The following MAP4 variants were observed in gnomAD, a reference collection of about 807,000 sequenced individuals.
MAP4 encodes microtubule associated protein 4, also known as microtubule-associated protein 4.
MAP4 carries 76 observed loss-of-function variants against 170.2 expected under a neutral mutation model. The observed-to-expected ratio is 0.45, with a 90% CI of 0.37 to 0.54. The LOEUF (loss-of-function observed/expected upper bound fraction) is 0.54, where lower values mean the gene tolerates loss of function less well. MAP4 is among the 20% of genes least tolerant of loss of function. The pLI, the probability that MAP4 is intolerant of heterozygous loss-of-function variation, is 0.00. For synonymous variants in MAP4, 909 were observed against 994.5 expected, an observed-to-expected ratio of 0.91 and a Z score of 1.62; for missense variants, 2,506 against 2,748.0, an observed-to-expected ratio of 0.91 and a Z score of 1.97.
chr3:47,894,610 G>A (rs1449766019), intron 10 of MAP4, among the ~76,000 whole-genome samples: 1 of 151,616 alleles, frequency 6.6e-6, no homozygotes, highest in Non-Finnish European at 1.5e-5. Context: ...GAAAAAATAT[G>A]AGGCGAGATT....
chr3:47,943,880 C>T (rs1323889741), intron 3 of MAP4, among the ~76,000 whole-genome samples: 1 of 152,004 alleles, frequency 6.6e-6, no homozygotes, highest in Non-Finnish European at 1.5e-5. Context: ...ACAATACAGG[C>T]TAAGTTGGCA....
chr3:47,990,816 G>C (rs959380768), intron 2 of MAP4, among the ~76,000 whole-genome samples: 1 of 142,680 alleles, frequency 7.0e-6, no homozygotes, highest in African/African-American at 2.6e-5. Context: ...AAGGAAAAAA[G>C]TCAGGAAGTA....
chr3:48,048,772 A>G (rs2154546703), intron 1 of MAP4, among the ~76,000 whole-genome samples: 1 of 152,180 alleles, frequency 6.6e-6, no homozygotes, highest in South Asian at 2.1e-4. Context: ...ACTGTTAACT[A>G]GACTACAGAC....
chr3:47,966,977 G>A (rs543044631), intron 3 of MAP4, among the ~76,000 whole-genome samples: 5 of 152,262 alleles, frequency 3.3e-5, no homozygotes, highest in East Asian at 3.9e-4. Flanking sequence ...TTGAGATTCC[G>A]AATGGATTTT....
chr3:47,970,771 C>T lies in MAP4; in HGVS notation c.292+7094G>A, dbSNP rs560778633. 2.4e-4 allele frequency among the ~76,000 whole-genome samples: 37 copies of T among 152,184 alleles called. 1 individual carries two copies. The highest frequency in any genetic ancestry group is 1.4e-3 in the Admixed American group (21 of 15,274). ...GACGGAGGTTGCAGTGACCTAAGAT[C>T]GTGCCATTGCATTCAAGCCTGGGCA... is the stretch of plus-strand genomic sequence containing the variant. On this transcript the variant is annotated intron_variant, in intron 3 of 20. Coordinates refer to ENST00000683076, the MANE Select transcript of MAP4 (RefSeq NM_001385682.1).
At chr3:48,046,273 T>C (rs1182218576) in intron 1 of MAP4, among the ~76,000 whole-genome samples, 2 of 152,154 alleles carry the variant, frequency 1.3e-5, no homozygotes, top group African/African-American at 2.4e-5. Flanking sequence ...GACAAGGAGG[T>C]AACACAAACC....
chr3:48,084,723 A>T (rs1014412875), intron 1 of MAP4, among the ~76,000 whole-genome samples: 1 of 151,876 alleles, frequency 6.6e-6, no homozygotes, highest in African/African-American at 2.4e-5. Flanking sequence ...CTATAGACAC[A>T]TGCCACCACA....
intron 1 of MAP4, among the ~76,000 whole-genome samples, chr3:48,075,900 G>A (rs1223988099): frequency 3.3e-5 from 5 of 150,778 alleles, no homozygotes; most frequent in Non-Finnish European, 7.4e-5. Context: ...GCTTGAACCC[G>A]GGAGGTGGAG....
chr3:47,888,054 G>C (rs1490100778), intron 10 of MAP4, among the ~76,000 whole-genome samples: 2 of 152,268 alleles, frequency 1.3e-5, no homozygotes, highest in East Asian at 3.9e-4. Flanking sequence ...TGCACCAATC[G>C]ACACTCTGTA....
chr3:47,880,526 C>CA (rs1482365366), intron 10 of MAP4, among the ~76,000 whole-genome samples: 1 of 139,566 alleles, frequency 7.2e-6, no homozygotes, highest in Non-Finnish European at 1.5e-5. Flanking sequence ...AGTACAGTGG[C>CA]ATGATCACAG....
At chr3:47,892,423 A>G in intron 10 of MAP4, 1 of 1,536,246 alleles carries the variant, frequency 6.5e-7, no homozygotes, top group Non-Finnish European at 8.7e-7. Context: ...GGCACTCTGC[A>G]GGCTTGCCCT....
At chr3:48,007,814 A>G (rs2100103202) in intron 1 of MAP4, among the ~76,000 whole-genome samples, 1 of 151,980 alleles carries the variant, frequency 6.6e-6, no homozygotes, top group African/African-American at 2.4e-5. Flanking sequence ...CTGGGAATAC[A>G]GGTGCGTGCC....
intron 1 of MAP4, among the ~76,000 whole-genome samples, chr3:48,040,609 G>C (rs2154530905): frequency 6.6e-6 from 1 of 151,822 alleles, no homozygotes; most frequent in East Asian, 2.0e-4. Flanking sequence ...CTGTCACCCA[G>C]CTGGAGTGCA....
chr3:47,892,665 G>A (rs1260772638), intron 10 of MAP4: 9 of 1,363,740 alleles, frequency 6.6e-6, no homozygotes, highest in Non-Finnish European at 7.5e-6. Context: ...ACTTACAAAT[G>A]TGAAAGAAAG....
chr3:47,998,776 G>C lies in MAP4; in HGVS notation c.85C>G (p.Leu29Val). 6.2e-7 allele frequency: 1 copy of C among 1,613,792 alleles called. No individual in the cohort carries two copies. Among genetic ancestry groups the C allele is most frequent in the Non-Finnish European group, 8.5e-7 (1 of 1,179,682 alleles). ...GEIKRDFIAT[L>V]EAEAFDDVVG... ...ACATCATCAAAGGCCTCTGCCTCTA[G>C]TGTGGCAATGAAGTCCCGCTTTATC... The change falls in exon 2 of 21, where the codon CTA becomes GTA. Residue 29 changes from leucine (L) to valine (V), a missense_variant. Transcript: ENST00000683076.
At chr3:47,941,627 C>CAAAA (rs796623845) in intron 3 of MAP4, among the ~76,000 whole-genome samples, 3 of 126,844 alleles carry the variant, frequency 2.4e-5, no homozygotes, top group African/African-American at 5.5e-5. Context: ...AAAACAAAAA[C>CAAAA]AAAAAAAAAA....
rs1209293259 is a variant in MAP4 at position 47,916,921 on chromosome 3, T to C, written c.906A>G (p.Leu302=). The C allele has an allele frequency of 6.2e-7, 1 of 1,614,110 alleles. No homozygotes were observed. The highest frequency in any genetic ancestry group is 2.2e-5 in the East Asian group (1 of 44,894). Residue 302 remains leucine (L), a synonymous_variant, in exon 7 of 21, where the codon CTA becomes CTG. Coordinates refer to ENST00000683076, the MANE Select transcript of MAP4 (RefSeq NM_001385682.1). The part of the protein sequence containing the change: ...MQPSMESDMA[L]VKDMELPTEK... Reference sequence around the variant, plus strand: ...CTGTGGGTAGTTCCATGTCCTTGACTAGGGCCATATCTGATTCCATGGATG... The same window carrying C: ...CTGTGGGTAGTTCCATGTCCTTGACCAGGGCCATATCTGATTCCATGGATG...
At chr3:47,865,505 A>C (rs1032961156) in intron 17 of MAP4, among the ~76,000 whole-genome samples, 5 of 129,612 alleles carry the variant, frequency 3.9e-5, no homozygotes, top group African/African-American at 1.8e-4. Flanking sequence ...ACCAGGAAGG[A>C]GGGGCAGGAA....
intron 20 of MAP4, 86 bp downstream of exon 20, chr3:47,853,075 CCA>C: frequency 6.2e-7 from 1 of 1,614,172 alleles, no homozygotes; most frequent in Middle Eastern, 1.7e-4. Context: ...AAAATTTAGG[CCA>C]CACTCTAGTC....
Sources: allele counts gnomAD v4.1 joint callset (sites outside exome capture counted in the v4.1 genomes callset), GRCh38; gene constraint gnomAD v4.1.1; transcripts MANE v1.5; gene names NCBI Gene and HGNC (gene_info 2026-07-23, HGNC 2026-07-21).